Variants in MUC5B observed in about 807,000 individuals in gnomAD.
MUC5B encodes mucin-5B.
MUC5B carries 116 observed loss-of-function variants against 376.9 expected under a neutral mutation model. That is an observed-to-expected ratio of 0.31 (90% CI 0.26 to 0.36). The LOEUF is 0.36. Among genes scored for constraint, MUC5B ranks in the 10% least tolerant of loss-of-function variants. The pLI is 1.00. For missense variants in MUC5B, 7,165 were observed against 7,769.9 expected (o/e 0.92, Z 2.93); for synonymous variants, 3,517 against 3,390.9 (o/e 1.04, Z -1.29).
chr11:1,259,905 G>A (rs1449509832), intron 45 of MUC5B, 58 bp from the exon 46 acceptor site: 44 of 1,612,030 alleles, frequency 2.7e-5, no homozygotes, highest in Non-Finnish European at 3.5e-5. Context: ...CACCCCCAAT[G>A]GGGCTCTGCA....
chr11:1,225,566 C>A, intron 1 of MUC5B, 115 bp from the exon 2 acceptor site: 1 of 924,848 alleles, frequency 1.1e-6, no homozygotes, highest in Non-Finnish European at 1.7e-6. Context: ...TGGAGACCGC[C>A]ACCAAGGACC....
chr11:1,241,288 G>T lies in MUC5B; in HGVS notation c.4408G>T (p.Val1470Leu). The change falls in exon 31 of 49, where the codon GTG becomes TTG. Residue 1470 changes from valine to leucine, a missense_variant. By Grantham distance (32) the Val-to-Leu change is conservative. Transcript: ENST00000529681. The stretch of plus-strand genomic sequence containing the variant: ...AGCAACCGAAAAGACCACCCTATGG[G>T]TGACCCCGAGCATCCGGTCGACGGC... Reference protein sequence around the residue: ...TTATEKTTLWVTPSIRSTAAL... With the variant: ...TTATEKTTLWLTPSIRSTAAL... The T allele has an allele frequency of 1.3e-6, 2 of 1,599,270 alleles. No individual in the cohort carries two copies. The highest frequency in any genetic ancestry group is 1.7e-6 in the Non-Finnish European group (2 of 1,173,106).
At position 1,232,019 on chromosome 11, in the gene MUC5B, A is replaced by T; in HGVS notation, c.1702A>T (p.Asn568Tyr). ...AGGCCTGTGTGGGAACTTCAACCAG[A>T]ACCAGGCTGACGACTTCACGGCCCT... The part of the protein sequence containing the change: ...MCGLCGNFNQ[N>Y]QADDFTALSG... Residue 568 changes from asparagine to tyrosine, a missense_variant, in exon 15 of 49, where the codon AAC (asparagine) becomes TAC (tyrosine). Transcript: ENST00000529681. The T allele has an allele frequency of 6.2e-7, 1 of 1,612,732 alleles. No homozygotes were observed. The highest frequency in any genetic ancestry group is 8.5e-7 in the Non-Finnish European group (1 of 1,179,810).
In MUC5B at chr11:1,260,005, G is replaced by A. The variant is rs755624443; in HGVS notation, c.16843G>A (p.Val5615Met). 46 of 1,612,834 alleles carry A rather than the reference G, an allele frequency of 2.9e-5. No homozygotes were observed. The highest frequency in any genetic ancestry group is 1.2e-4 in the African/African-American group (9 of 74,910). The change falls in exon 46 of 49, where the codon GTG (valine) becomes ATG (methionine). Residue 5615 changes from valine (V) to methionine (M), a missense_variant. By Grantham distance (21) the Val-to-Met change is conservative. Transcript: ENST00000529681. The part of the protein sequence containing the change: ...WVNSHVDNCT[V>M]YLCEAEGGVH... ...CAACAGCCATGTGGACAACTGCACC[G>A]TGTACCTCTGTGAGGCTGAGGGTGG...
At position 1,251,501 on chromosome 11, in the gene MUC5B, C is replaced by T. The variant is rs1252808562; in HGVS notation, c.14621C>T (p.Ala4874Val). 1.2e-6 allele frequency: 2 copies of T among 1,613,246 alleles called. No homozygotes were observed. Among genetic ancestry groups the T allele is most frequent in the African/African-American group, 1.3e-5 (1 of 74,938 alleles). Residue 4874 changes from alanine (A) to valine (V), a missense_variant, in exon 31 of 49, where the codon GCT (alanine) becomes GTT (valine). By Grantham distance (64) the Ala-to-Val change is moderately conservative. This residue lies in a region of MUC5B where 730 missense variants were observed against 592.7 expected (regional missense o/e 1.23). Coordinates refer to ENST00000529681, the MANE Select transcript of MUC5B (RefSeq NM_002458.3). ...ACCGCCTCCTCCACTCTGGGAACAG[C>T]TCACACCCCCAAAGTGGTGACCACC... ...TATASSTLGT[A>V]HTPKVVTTMA...
At chr11:1,238,171 G>A (rs1170560329) in intron 25 of MUC5B, among the ~76,000 whole-genome samples, 1 of 152,200 alleles carries the variant, frequency 6.6e-6, no homozygotes, top group East Asian at 1.9e-4. Context: ...AGCTTCCCAT[G>A]GTCAGGACGC....
intron 17 of MUC5B, 43 bp from the exon 18 acceptor site, chr11:1,232,970 T>A: frequency 6.6e-7 from 1 of 1,517,506 alleles, no homozygotes; most frequent in Non-Finnish European, 8.8e-7. Flanking sequence ...CTGGCCAGGC[T>A]GCTCGGCCGC....
intron 28 of MUC5B, 41 bp downstream of exon 28, chr11:1,239,984 T>A (rs370237424): frequency 6.2e-7 from 1 of 1,608,518 alleles, no homozygotes; most frequent in Non-Finnish European, 8.5e-7. Context: ...GGAGCAGGGC[T>A]GGGGAGCAGG....
At position 1,239,559 on chromosome 11, in the gene MUC5B, C is replaced by A. The variant is rs542415547; in HGVS notation, c.3576C>A (p.Gly1192=). The A allele has an allele frequency of 1.3e-6, 2 of 1,572,466 alleles. No homozygotes were observed. Among genetic ancestry groups the A allele is most frequent in the African/African-American group, 1.4e-5 (1 of 73,918 alleles). Residue 1192 remains glycine (G), a synonymous_variant, in exon 27 of 49, where the codon GGC becomes GGA. Coordinates refer to ENST00000529681, the MANE Select transcript of MUC5B (RefSeq NM_002458.3). ...GGCACTGCCTGGTGGACCTGCCTGG[C>A]CTGGAAGGTGAGGGGCAGCCTTTCT... ...PSGHCLVDLP[G]LEGCYPKCPP...
chr11:1,252,948 G>T lies in MUC5B; in HGVS notation c.15185G>T (p.Ser5062Ile). The change falls in exon 33 of 49, where the codon AGC (serine) becomes ATC (isoleucine). Residue 5062 changes from serine (S) to isoleucine (I), a missense_variant. This residue lies in a region of MUC5B where 842 missense variants were observed against 1,016.9 expected (regional missense o/e 0.83). Transcript: ENST00000529681. ...CTGCCCATCAAAGTGTCGGACCCGA[G>T]CCAGCCCTGTGACTTCCACTATGAG... ...KHLPIKVSDP[S>I]QPCDFHYECE... 6.2e-7 allele frequency: 1 copy of T among 1,612,688 alleles called. No individual in the cohort carries two copies. The highest frequency in any genetic ancestry group is 1.1e-5 in the South Asian group (1 of 91,082).
rs56368888 is a variant in MUC5B, at chr11:1,251,567, G to A, written c.14687G>A (p.Ser4896Asn). Residue 4896 changes from serine to asparagine, a missense_variant, in exon 31 of 49, where the codon AGC (serine) becomes AAC (asparagine). By Grantham distance (46) the Ser-to-Asn change is conservative. This residue lies in a region of MUC5B where 730 missense variants were observed against 592.7 expected (regional missense o/e 1.23). Transcript: ENST00000529681. ...MPTATASTVP[S>N]SSTVGTTRTP... ...ACAGCCACTGCCTCCACGGTTCCCAGCTCGTCCACCGTGGGGACCACCCGC... is the reference window on the plus strand; with the variant it reads ...ACAGCCACTGCCTCCACGGTTCCCAACTCGTCCACCGTGGGGACCACCCGC... The A allele has an allele frequency of 6.2e-7, 1 of 1,612,446 alleles. No individual in the cohort carries two copies. The highest frequency in any genetic ancestry group is 1.1e-5 in the South Asian group (1 of 91,016).
chr11:1,254,241 G>T lies in MUC5B; in HGVS notation c.15367G>T (p.Ala5123Ser). ...CTACCTGGACAACCACTACTGCACG[G>T]CCTCTGCCACTGCCGCTGCCGCCCG... The part of the protein sequence containing the change: ...SLYLDNHYCT[A>S]SATAAAARCP... Residue 5123 changes from alanine (A) to serine (S), a missense_variant, in exon 34 of 49, where the codon GCC (alanine) becomes TCC (serine). This residue lies in a region of MUC5B where 842 missense variants were observed against 1,016.9 expected (regional missense o/e 0.83). Coordinates refer to ENST00000529681, the MANE Select transcript of MUC5B (RefSeq NM_002458.3). The T allele has an allele frequency of 6.2e-7, 1 of 1,612,546 alleles. No homozygotes were observed. Among genetic ancestry groups the T allele is most frequent in the Non-Finnish European group, 8.5e-7 (1 of 1,179,866 alleles).
At chr11:1,256,059 G>T in intron 37 of MUC5B, 97 bp from the exon 38 acceptor site, 1 of 633,760 alleles carries the variant, frequency 1.6e-6, no homozygotes, top group Non-Finnish European at 2.9e-6. Context: ...GGGCCCCCCA[G>T]ACTCCTCGGC....
At chr11:1,256,588 C>A in intron 38 of MUC5B, 83 bp from the exon 39 acceptor site, 1 of 915,342 alleles carries the variant, frequency 1.1e-6, no homozygotes, top group Non-Finnish European at 1.6e-6. Context: ...CTGCTCCCCA[C>A]TGCCCATCCT....
At position 1,246,402 on chromosome 11, in the gene MUC5B, G is replaced by A. The variant is rs375374640; in HGVS notation, c.9522G>A (p.Thr3174=). ...LTEPSTTATV[T]VPTGSTATAS... is the part of the protein sequence containing the mutation. ...AGCCCAGCACTACAGCCACCGTGAC[G>A]GTGCCCACCGGATCCACGGCCACCG... The change falls in exon 31 of 49, where the codon ACG becomes ACA. Residue 3174 remains threonine, a synonymous_variant. Transcript: ENST00000529681. The A allele has an allele frequency of 2.5e-4, 407 of 1,612,264 alleles. No homozygotes were observed. The highest frequency in any genetic ancestry group is 3.0e-4 in the Non-Finnish European group (349 of 1,179,448).
rs1168975971 is a variant in MUC5B at position 1,257,609 on chromosome 11, C to T, written c.16349C>T (p.Pro5450Leu). The change falls in exon 41 of 49, where the codon CCC becomes CTC. Residue 5450 changes from proline to leucine, a missense_variant. Around this residue, in one of 31 missense-constraint regions of MUC5B, gnomAD observed 842 missense variants for 1,016.9 expected, o/e 0.83. Transcript: ENST00000529681. This position sits in a 1 kb window ranked among gnomAD's most constrained non-coding sequence, Gnocchi z 8.9. ...GSVSVQCKPL[P>L]CDAQGQPPPC... The stretch of plus-strand genomic sequence containing the variant: ...GTGTCGGTGCAGTGCAAGCCCCTGC[C>T]CTGTGACGCCCAGGGTCAGCCCCCG... 1.9e-6 allele frequency: 3 copies of T among 1,604,206 alleles called. No individual in the cohort carries two copies. Among genetic ancestry groups the T allele is most frequent in the Non-Finnish European group, 2.5e-6 (3 of 1,179,544 alleles).
intron 1 of MUC5B, among the ~76,000 whole-genome samples, chr11:1,223,810 G>A (rs951033816): frequency 2.6e-5 from 4 of 152,248 alleles, no homozygotes; most frequent in African/African-American, 7.2e-5. Flanking sequence ...GGCCAGAGCC[G>A]CAGCATTAAT....
chr11:1,233,731 C>T (rs1189144334), intron 18 of MUC5B, 62 bp from the exon 19 acceptor site: 9 of 1,529,306 alleles, frequency 5.9e-6, no homozygotes, highest in Non-Finnish European at 8.0e-6. Context: ...GCTCGGAAGC[C>T]CGGGGGTGGG....
Position 1,249,107 on chromosome 11 carries a change from C to A in MUC5B, c.12227C>A (p.Thr4076Asn). 1 of 1,611,242 alleles carries A rather than the reference C, an allele frequency of 6.2e-7. No homozygotes were observed. Among genetic ancestry groups the A allele is most frequent in the Non-Finnish European group, 8.5e-7 (1 of 1,179,534 alleles). ...AGCCCTCACCCTAGCAGCAGGACCA[C>A]CGAGTCACCCCCTTCCCCAGGGACG... ...LSSPHPSSRT[T>N]ESPPSPGTTT... is the part of the protein sequence containing the mutation. The change falls in exon 31 of 49, where the codon ACC (threonine) becomes AAC (asparagine). Residue 4076 changes from threonine (T) to asparagine (N), a missense_variant. Thr to Asn is a moderately conservative substitution (Grantham distance 65, BLOSUM62 0). Around this residue, in one of 31 missense-constraint regions of MUC5B, gnomAD observed 85 missense variants for 78.2 expected, o/e 1.09. Transcript: ENST00000529681.
Sources: gnomAD v4.1 joint callset for allele counts (sites outside exome capture counted in the v4.1 genomes callset) on GRCh38, gnomAD v4.1.1 for gene constraint, gnomAD v4.1.1 regional missense constraint, Gnocchi (gnomAD v3.1) non-coding constraint, MANE v1.5 for transcripts, NCBI Gene and HGNC (gene_info 2026-07-23, HGNC 2026-07-21) for gene names.